The following LRRC37A2 variants were observed in gnomAD, a reference collection of about 807,000 sequenced individuals.
LRRC37A2 encodes leucine rich repeat containing 37 member A2, also known as leucine-rich repeat-containing protein 37A2.
LRRC37A2 carries 9 observed loss-of-function variants against 68.8 expected under a neutral mutation model. The ratio of observed to expected loss-of-function variants is 0.13; its 90% CI spans 0.08 to 0.23. The LOEUF (loss-of-function observed/expected upper bound fraction) is 0.23, where lower values mean the gene tolerates loss of function less well. LRRC37A2 is among the 10% of genes least tolerant of loss of function. The pLI is 1.00. For synonymous variants in LRRC37A2, 63 were observed against 367.6 expected (o/e 0.17, Z 9.48); for missense variants, 168 against 950.4 (o/e 0.18, Z 10.82).
the LRRC37A2 span, among the ~76,000 whole-genome samples, chr17:46,820,059 G>T: frequency 3.3e-5 from 5 of 152,352 alleles, no homozygotes; most frequent in African/African-American, 9.6e-5. Flanking sequence ...GGCCTGGAAC[G>T]GCGGGCGTTC....
the LRRC37A2 span, among the ~76,000 whole-genome samples, chr17:46,758,431 A>G: frequency 2.6e-5 from 4 of 152,252 alleles, no homozygotes; most frequent in Non-Finnish European, 5.9e-5. Flanking sequence ...AGCAGAGCGT[A>G]TGAGATTACA....
rs529216425 is a variant in LRRC37A2, at chr17:46,548,437, T to G, written c.3298T>G (p.Leu1100Val). ...GCCCTCAGACAGCAGTGGCATCAAC[T>G]TGTCAGGCTTTGGGAGTGAGCAGCT... Residue 1100 changes from leucine (L) to valine (V), a missense_variant, in exon 10 of 15, where the codon TTG (leucine) becomes GTG (valine). By Grantham distance (32) the Leu-to-Val change is conservative. Coordinates refer to ENST00000576629, the Ensembl canonical transcript of LRRC37A2. The G allele has an allele frequency of 5.1e-4, 450 of 889,992 alleles. 25 individuals carry two copies. In the African/African-American group the frequency reaches 0.016, roughly 31 times the overall value. 55.1% of individuals were successfully genotyped at this position (889,992 alleles called of 1,614,324 possible). A position where few individuals can be genotyped will look rare whatever the true frequency, so the allele number is the denominator to read the frequency against.
At chr17:46,638,821 A>G in the LRRC37A2 span, among the ~76,000 whole-genome samples, 6 of 52,820 alleles carry the variant, frequency 1.1e-4, no homozygotes, top group Non-Finnish European at 1.5e-4. Flanking sequence ...TGAGGAATTT[A>G]AGATCTAAAG....
the LRRC37A2 span, among the ~76,000 whole-genome samples, chr17:47,031,584 C>T: frequency 6.9e-6 from 1 of 145,490 alleles, no homozygotes; most frequent in East Asian, 2.1e-4. Flanking sequence ...AACTGGATGA[C>T]TTTGCAATGT....
chr17:46,757,199 T>C, the LRRC37A2 span: 2 of 152,244 alleles, frequency 1.3e-5, no homozygotes, highest in African/African-American at 4.8e-5. Context: ...TCATATCTTC[T>C]TTGTTTTGGG....
chr17:46,733,349 CT>C, the LRRC37A2 span, among the ~76,000 whole-genome samples: 2 of 149,146 alleles, frequency 1.3e-5, no homozygotes, highest in African/African-American at 2.5e-5. Context: ...CTGCCACCTT[CT>C]TTTTTTTTTC....
the LRRC37A2 span, among the ~76,000 whole-genome samples, chr17:46,947,694 T>A: frequency 6.6e-6 from 1 of 152,214 alleles, no homozygotes; most frequent in Admixed American, 6.5e-5. Flanking sequence ...CCTGTCTGTA[T>A]AGTGAGAATA....
At chr17:46,829,430 A>G in the LRRC37A2 span, among the ~76,000 whole-genome samples, 1 of 152,182 alleles carries the variant, frequency 6.6e-6, no homozygotes, top group Non-Finnish European at 1.5e-5. Flanking sequence ...TCAGCCTCCC[A>G]AAGTGCTGGG....
At chr17:47,018,489 T>A in the LRRC37A2 span, 1 of 1,525,228 alleles carries the variant, frequency 6.6e-7, no homozygotes. Flanking sequence ...GGGAAATTCT[T>A]TAGTCCACCA....
the LRRC37A2 span, chr17:47,033,430 G>A: frequency 9.5e-4 from 655 of 690,538 alleles, 1 homozygote; most frequent in Admixed American, 1.9e-3. Context: ...CAAGTACATC[G>A]CGCATATTGG....
chr17:46,771,893 TGCCCCC>T, the LRRC37A2 span, among the ~76,000 whole-genome samples: 1 of 103,330 alleles, frequency 9.7e-6, no homozygotes, highest in East Asian at 2.5e-4. Flanking sequence ...CCCCCGCCCC[TGCCCCC>T]GCCCCCGCCT....
At chr17:46,728,951 A>T in the LRRC37A2 span, 1 of 1,419,928 alleles carries the variant, frequency 7.0e-7, no homozygotes, top group Non-Finnish European at 9.8e-7. Context: ...TAATACTACT[A>T]ATAAGGAATA....
At chr17:46,769,646 G>A in the LRRC37A2 span, 10 of 1,187,858 alleles carry the variant, frequency 8.4e-6, no homozygotes, top group East Asian at 7.6e-5. Context: ...GTGGGGAGGA[G>A]GCCAAGCCTG....
the LRRC37A2 span, among the ~76,000 whole-genome samples, chr17:46,839,059 G>A: frequency 6.6e-6 from 1 of 152,030 alleles, no homozygotes; most frequent in Non-Finnish European, 1.5e-5. Flanking sequence ...TGTATTTTTA[G>A]TAGAGACAGA....
the LRRC37A2 span, among the ~76,000 whole-genome samples, chr17:46,696,417 A>G: frequency 0.75 from 104,779 of 138,876 alleles, 43,066 homozygotes; most frequent in East Asian, 1. Flanking sequence ...GAGTGAACTC[A>G]TGTCAGATAT....
chr17:46,856,488 C>CT, the LRRC37A2 span, among the ~76,000 whole-genome samples: 1,921 of 143,046 alleles, frequency 0.013, 20 homozygotes, highest in South Asian at 0.029. Context: ...CTTTTTCTTT[C>CT]TTTTTTTTTT....
the LRRC37A2 span, chr17:46,763,831 C>CAAAAAAAAAAAAAAAAAAAAAA: frequency 8.1e-6 from 1 of 123,708 alleles, no homozygotes; most frequent in Admixed American, 8.4e-5. Context: ...CCACTACCAC[C>CAAAAAAAAAAAAAAAAAAAAAA]AAAAAAAAAA....
chr17:46,793,101 C>G, the LRRC37A2 span, among the ~76,000 whole-genome samples: 1 of 32,620 alleles, frequency 3.1e-5, no homozygotes, highest in African/African-American at 1.1e-4. Flanking sequence ...CTTGTTTCTA[C>G]TAAAATTAAA....
chr17:46,966,802 G>A, the LRRC37A2 span: 4,423 of 427,080 alleles, frequency 0.01, 137 homozygotes, highest in African/African-American at 0.071. Flanking sequence ...TGATGTGGCC[G>A]ATGAGAAAAA....
Sources: gnomAD v4.1 joint callset for allele counts (sites outside exome capture counted in the v4.1 genomes callset) on GRCh38, gnomAD v4.1.1 for gene constraint, MANE v1.5 for transcripts, NCBI Gene and HGNC (gene_info 2026-07-23, HGNC 2026-07-21) for gene names.